SPAG16: variants seen among roughly 807,000 people sequenced by gnomAD.
SPAG16 encodes sperm-associated antigen 16 protein.
SPAG16 carries 86 observed loss-of-function variants against 80.4 expected under a neutral mutation model. That is an observed-to-expected ratio of 1.07 (90% CI 0.90 to 1.28). The LOEUF (loss-of-function observed/expected upper bound fraction) is 1.28. Among genes scored for constraint, SPAG16 ranks in the 50% most tolerant of loss-of-function variants. SPAG16 has a pLI of 0.00. For synonymous variants in SPAG16, 294 were observed against 265.9 expected (o/e 1.11, Z -1.03); for missense variants, 870 against 765.3 (o/e 1.14, Z -1.61).
At chr2:213,553,663 C>T (rs1039924839) in intron 10 of SPAG16, among the ~76,000 whole-genome samples, 1 of 152,136 alleles carries the variant, frequency 6.6e-6, no homozygotes, top group Admixed American at 6.5e-5. Context: ...CACGAGTGAC[C>T]ATACCCCAGA....
intron 13 of SPAG16, among the ~76,000 whole-genome samples, chr2:214,024,739 T>C (rs1341424361): frequency 1.3e-5 from 2 of 151,628 alleles, no homozygotes; most frequent in Admixed American, 6.6e-5. Context: ...AGGAAAAGCA[T>C]GCATCTACCT....
At chr2:214,153,276 C>G (rs1339906471) in intron 15 of SPAG16, among the ~76,000 whole-genome samples, 1 of 152,148 alleles carries the variant, frequency 6.6e-6, no homozygotes, top group Non-Finnish European at 1.5e-5. Flanking sequence ...CTCTTGTCTT[C>G]TGGTCACTTC....
At chr2:213,751,781 G>A (rs147101568) in intron 10 of SPAG16, among the ~76,000 whole-genome samples, 1 of 152,108 alleles carries the variant, frequency 6.6e-6, no homozygotes, top group Non-Finnish European at 1.5e-5. Flanking sequence ...GTGAAAGGAC[G>A]ACCTGGTCAC....
intron 15 of SPAG16, among the ~76,000 whole-genome samples, chr2:214,258,245 C>T (rs1285974107): frequency 1.3e-5 from 2 of 151,670 alleles, no homozygotes; most frequent in African/African-American, 2.4e-5. Context: ...TCACCCCCCT[C>T]CCACTCTTCT....
At chr2:214,337,897 C>T (rs1197451634) in intron 15 of SPAG16, among the ~76,000 whole-genome samples, 1 of 152,096 alleles carries the variant, frequency 6.6e-6, no homozygotes, top group African/African-American at 2.4e-5. Context: ...AAGAATTACT[C>T]TTAAGACCTT....
chr2:213,592,346 C>A (rs918238444), intron 10 of SPAG16, among the ~76,000 whole-genome samples: 10 of 151,592 alleles, frequency 6.6e-5, no homozygotes, highest in South Asian at 2.1e-4. Flanking sequence ...TTATATCTGT[C>A]TTGTATTTTA....
chr2:214,082,922 C>T (rs1045572797), intron 13 of SPAG16, among the ~76,000 whole-genome samples: 1 of 149,678 alleles, frequency 6.7e-6, no homozygotes, highest in South Asian at 2.1e-4. Flanking sequence ...CTTGAAATAA[C>T]TCTACCATTT....
At chr2:213,653,190 A>G (rs2125153127) in intron 10 of SPAG16, among the ~76,000 whole-genome samples, 1 of 152,292 alleles carries the variant, frequency 6.6e-6, no homozygotes, top group Admixed American at 6.5e-5. Context: ...TCATGTGCAA[A>G]CGACTATTCT....
chr2:213,807,218 T>G (rs183928389), intron 10 of SPAG16, among the ~76,000 whole-genome samples: 1 of 152,180 alleles, frequency 6.6e-6, no homozygotes, highest in Non-Finnish European at 1.5e-5. Flanking sequence ...CCTTGACTCA[T>G]TTGCTTCCAT....
chr2:214,232,195 CAT>C (rs1688746343), intron 15 of SPAG16, among the ~76,000 whole-genome samples: 1 of 151,834 alleles, frequency 6.6e-6, no homozygotes, highest in Admixed American at 6.6e-5. Context: ...AAAAAGTAAA[CAT>C]ATGGTAGATG....
intron 10 of SPAG16, among the ~76,000 whole-genome samples, chr2:213,516,607 G>C (rs2075434306): frequency 1.3e-5 from 2 of 152,054 alleles, no homozygotes; most frequent in African/African-American, 4.8e-5. Context: ...TTAGGTGGTA[G>C]AATTCCAGAA....
intron 9 of SPAG16, among the ~76,000 whole-genome samples, chr2:213,458,943 G>A (rs894487648): frequency 3.3e-5 from 5 of 151,882 alleles, no homozygotes; most frequent in Admixed American, 6.6e-5. Flanking sequence ...TTGAATTTAT[G>A]TGTTGATGTC....
intron 11 of SPAG16, among the ~76,000 whole-genome samples, chr2:213,867,926 C>CAAAAAA (rs35795865): frequency 4.6e-4 from 21 of 45,736 alleles, no homozygotes; most frequent in Admixed American, 1.5e-3. Flanking sequence ...TCTGTCTCAA[C>CAAAAAA]AAAAAAAAAA....
At chr2:214,296,211 G>T (rs576778263) in intron 15 of SPAG16, among the ~76,000 whole-genome samples, 39 of 152,150 alleles carry the variant, frequency 2.6e-4, no homozygotes, top group Non-Finnish European at 4.7e-4. Context: ...CTTTACTCAT[G>T]TAGCTACAGA....
At chr2:213,427,352 A>T (rs1345482857) in intron 9 of SPAG16, among the ~76,000 whole-genome samples, 2 of 152,206 alleles carry the variant, frequency 1.3e-5, no homozygotes, top group African/African-American at 4.8e-5. Flanking sequence ...ACGCACAGTG[A>T]TATGAGTAAG....
rs531862898 is a variant in SPAG16, at chr2:214,409,013, TTAAA to T, written c.1721-1124_1721-1121del. On this transcript the variant is annotated intron_variant, in intron 15 of 15. Coordinates refer to ENST00000331683, the MANE Select transcript of SPAG16 (RefSeq NM_024532.5). ...AATACTATTAATACTAACTAATATA[TTAAA>T]TAGTTAATACTGTTAGTACTATTTA... 5.0e-3 allele frequency among the ~76,000 whole-genome samples: 757 copies of T among 151,424 alleles called. 3 individuals are homozygous for T. The highest frequency in any genetic ancestry group is 6.3e-3 in the Non-Finnish European group (430 of 67,810).
At position 214,387,830 on chromosome 2, in the gene SPAG16, G is replaced by T. The variant is rs531472540; in HGVS notation, c.1721-22310G>T. ...TAACTCACTGTCAGGAGAACAGGAT[G>T]GGGGAGCCACCCTCATGATTCAGTG... On this transcript the variant is annotated intron_variant, in intron 15 of 15. Coordinates refer to ENST00000331683, the MANE Select transcript of SPAG16 (RefSeq NM_024532.5). 9.2e-5 allele frequency among the ~76,000 whole-genome samples: 14 copies of T among 152,188 alleles called. 1 individual carries two copies. In the East Asian group the frequency reaches 1.7e-3, roughly 19 times the overall value.
At chr2:214,383,781 G>T (rs1700596022) in intron 15 of SPAG16, among the ~76,000 whole-genome samples, 1 of 152,050 alleles carries the variant, frequency 6.6e-6, no homozygotes, top group Non-Finnish European at 1.5e-5. Flanking sequence ...AAAATGGGAA[G>T]TCATCAAAAG....
At chr2:214,226,867 C>T (rs1443979703) in intron 15 of SPAG16, among the ~76,000 whole-genome samples, 2 of 152,150 alleles carry the variant, frequency 1.3e-5, no homozygotes, top group East Asian at 3.9e-4. Context: ...ATAATCAGAT[C>T]TTTGAAAATT....
Sources: gnomAD v4.1 joint callset for allele counts (sites outside exome capture counted in the v4.1 genomes callset) on GRCh38, gnomAD v4.1.1 for gene constraint, MANE v1.5 for transcripts, NCBI Gene and HGNC (gene_info 2026-07-23, HGNC 2026-07-21) for gene names.